The following MSI2 variants were observed in gnomAD, a reference collection of about 807,000 sequenced individuals.
MSI2 encodes RNA-binding protein Musashi homolog 2.
In MSI2, 17 loss-of-function variants were observed where a neutral mutation model predicts 45.6. The observed-to-expected ratio is 0.37, with a 90% confidence interval of 0.26 to 0.56. The LOEUF is 0.56. MSI2 is among the 20% of genes least tolerant of loss of function. MSI2 has a pLI of 0.77. For synonymous variants in MSI2, 156 were observed against 158.2 expected (o/e 0.99, Z 0.11); for missense variants, 293 against 444.2 (o/e 0.66, Z 3.06).
chr17:57,577,835 G>A (rs960941786), intron 7 of MSI2, among the ~76,000 whole-genome samples: 6 of 152,110 alleles, frequency 3.9e-5, no homozygotes, highest in Admixed American at 6.5e-5. Flanking sequence ...CTGCGTCCTC[G>A]GACTCCAGCC....
At chr17:57,403,421 G>A (rs11652825) in intron 6 of MSI2, among the ~76,000 whole-genome samples, 1 of 152,168 alleles carries the variant, frequency 6.6e-6, no homozygotes, top group East Asian at 1.9e-4. Context: ...GCTGCCCTTA[G>A]AACAGTTGTC....
Position 57,292,049 on chromosome 17 carries a change from G to A in MSI2, c.312+29857G>A, listed in dbSNP as rs1464097482. ...AAAAGCTAGACAGTCCCCCTCCTCA[G>A]GAGGGCTAGTGGGCGAGACCTGCGT... On this transcript the variant is annotated intron_variant, in intron 5 of 13. Coordinates refer to ENST00000284073, the MANE Select transcript of MSI2 (RefSeq NM_138962.4). Among the ~76,000 whole-genome samples, 3 of 152,194 alleles carry A rather than the reference G, an allele frequency of 2.0e-5. No individual in the cohort carries two copies. The South Asian group carries it at 6.2e-4, about 32-fold the overall frequency.
chr17:57,399,191 C>T (rs1179677290), intron 5 of MSI2, among the ~76,000 whole-genome samples: 1 of 152,178 alleles, frequency 6.6e-6, no homozygotes, highest in East Asian at 1.9e-4. Flanking sequence ...ACTTGGAGCT[C>T]AGTGCTGTGC....
At chr17:57,495,548 A>AAAGAAAG (rs1555613514) in intron 6 of MSI2, among the ~76,000 whole-genome samples, 1 of 145,300 alleles carries the variant, frequency 6.9e-6, no homozygotes, top group South Asian at 2.2e-4. Flanking sequence ...AAAAAAAAAA[A>AAAGAAAG]AAAAGAAAGC....
At chr17:57,357,219 G>A (rs1390021358) in intron 5 of MSI2, among the ~76,000 whole-genome samples, 2 of 152,090 alleles carry the variant, frequency 1.3e-5, no homozygotes, top group African/African-American at 4.8e-5. Flanking sequence ...TGCCTCTCGG[G>A]GCAGCCAAGA....
chr17:57,318,078 G>T (rs1199488151), intron 5 of MSI2, among the ~76,000 whole-genome samples: 1 of 152,178 alleles, frequency 6.6e-6, no homozygotes, highest in Non-Finnish European at 1.5e-5. Flanking sequence ...AAACCCAGGA[G>T]GCGGAGGTTA....
At chr17:57,476,176 A>G (rs999997372) in intron 6 of MSI2, among the ~76,000 whole-genome samples, 1 of 152,202 alleles carries the variant, frequency 6.6e-6, no homozygotes, top group Non-Finnish European at 1.5e-5. Context: ...ATATAGGGCT[A>G]TCCAAGCTGA....
intron 6 of MSI2, among the ~76,000 whole-genome samples, chr17:57,419,958 G>A (rs532282713): frequency 4.6e-5 from 7 of 152,330 alleles, no homozygotes; most frequent in Admixed American, 4.6e-4. Context: ...TAGTAAGAAT[G>A]AATCAAGTAT....
intron 5 of MSI2, among the ~76,000 whole-genome samples, chr17:57,320,286 A>G (rs1448863183): frequency 1.3e-5 from 2 of 152,118 alleles, no homozygotes; most frequent in South Asian, 2.1e-4. Context: ...GTTGATCTGT[A>G]TGAGGACTGG....
intron 7 of MSI2, among the ~76,000 whole-genome samples, chr17:57,571,271 C>T (rs2087870245): frequency 6.6e-6 from 1 of 152,174 alleles, no homozygotes; most frequent in Admixed American, 6.5e-5. Flanking sequence ...AGGGGCAGGC[C>T]GCCCTGGGAA....
intron 6 of MSI2, among the ~76,000 whole-genome samples, chr17:57,517,687 A>G (rs916127535): frequency 6.6e-6 from 1 of 152,190 alleles, no homozygotes; most frequent in Non-Finnish European, 1.5e-5. Flanking sequence ...GGCTGAGTTC[A>G]TTGGAATCAA....
At chr17:57,648,134 T>C (rs1476410576) in intron 10 of MSI2, among the ~76,000 whole-genome samples, 1 of 72,568 alleles carries the variant, frequency 1.4e-5, no homozygotes, top group African/African-American at 8.1e-5. Context: ...GGCTAATTCG[T>C]GTGTGTGTGT....
intron 8 of MSI2, among the ~76,000 whole-genome samples, chr17:57,607,596 G>A (rs529608327): frequency 3.2e-4 from 48 of 152,274 alleles, no homozygotes; most frequent in African/African-American, 1.1e-3. Flanking sequence ...GGTCTCTTCC[G>A]CTCACTTTCC....
At chr17:57,507,320 T>C (rs2086260096) in intron 6 of MSI2, among the ~76,000 whole-genome samples, 1 of 151,076 alleles carries the variant, frequency 6.6e-6, no homozygotes, top group Non-Finnish European at 1.5e-5. Context: ...CATTGAGAAC[T>C]GGGCTTTTTC....
chr17:57,606,964 T>C (rs978606170), intron 8 of MSI2, among the ~76,000 whole-genome samples: 1 of 151,912 alleles, frequency 6.6e-6, no homozygotes, highest in Non-Finnish European at 1.5e-5. Flanking sequence ...GGGTCTATGA[T>C]TGGATTCTGA....
At chr17:57,564,339 C>T (rs948033643) in intron 7 of MSI2, among the ~76,000 whole-genome samples, 1 of 152,256 alleles carries the variant, frequency 6.6e-6, no homozygotes, top group African/African-American at 2.4e-5. Flanking sequence ...GGCTTGCATC[C>T]TCTGCCCTGT....
At position 57,573,967 on chromosome 17, in the gene MSI2, T is replaced by A. The variant is rs554724654; in HGVS notation, c.455-22901T>A. On this transcript the variant is annotated intron_variant, in intron 7 of 13. Coordinates refer to ENST00000284073, the MANE Select transcript of MSI2 (RefSeq NM_138962.4). ...TAAGCCAAGTACGTGGTGGTGGTTG[T>A]GACGATAATGATGACAACCTAATAA... Among the ~76,000 whole-genome samples the A allele has an allele frequency of 4.6e-5, 7 of 152,240 alleles. No homozygotes were observed. In the East Asian group the frequency reaches 1.4e-3, roughly 29 times the overall value.
chr17:57,563,574 A>G (rs941481103), intron 7 of MSI2, among the ~76,000 whole-genome samples: 1 of 152,130 alleles, frequency 6.6e-6, no homozygotes. Context: ...CAAAATAGTG[A>G]ATGACATTGG....
At chr17:57,626,027 A>G (rs1167934460) in intron 9 of MSI2, 3 of 152,252 alleles carry the variant, frequency 2.0e-5, no homozygotes, top group Non-Finnish European at 4.4e-5. Context: ...TGTCGAGCCC[A>G]GGTTCACAGG....
Sources: gnomAD v4.1 joint callset for allele counts (sites outside exome capture counted in the v4.1 genomes callset) on GRCh38, gnomAD v4.1.1 for gene constraint, MANE v1.5 for transcripts, NCBI Gene and HGNC (gene_info 2026-07-23, HGNC 2026-07-21) for gene names.